Variants in TSHZ3 observed in about 807,000 individuals in gnomAD.
The protein encoded by TSHZ3 is teashirt zinc finger homeobox 3, also known as teashirt homolog 3.
TSHZ3 carries 10 observed loss-of-function variants against 64.5 expected under a neutral mutation model. The observed-to-expected ratio is 0.16, with a 90% CI of 0.10 to 0.26. The LOEUF is 0.26. Among genes scored for constraint, TSHZ3 ranks in the 10% least tolerant of loss-of-function variants. The probability of loss-of-function intolerance (pLI) is 1.00; values close to 1 mark genes in which losing one functional copy is unlikely to be tolerated. For missense variants in TSHZ3, 1,242 were observed against 1,421.7 expected (o/e 0.87, Z 2.03); for synonymous variants, 608 against 593.1 (o/e 1.03, Z -0.36).
intron 5 of TSHZ3, among the ~76,000 whole-genome samples, chr19:31,160,921 A>T (rs1176628535): frequency 6.6e-6 from 1 of 152,124 alleles, no homozygotes; most frequent in African/African-American, 2.4e-5. Context: ...ATGCTGATAT[A>T]TGTATGTCTG....
intron 5 of TSHZ3, among the ~76,000 whole-genome samples, chr19:31,176,771 C>T (rs916489237): frequency 4.9e-4 from 74 of 152,198 alleles, no homozygotes; most frequent in African/African-American, 1.7e-3. Flanking sequence ...GCCTGGGTGA[C>T]AGAGACTCTG....
Position 31,341,630 on chromosome 19 carries a change from G to C in TSHZ3, c.40+7550C>G, listed in dbSNP as rs62102621. ...ACTCACTCTCTCTCTCTCTCTCTCTGACACACACACACACACACACACACA... is the reference window on the plus strand; with the variant it reads ...ACTCACTCTCTCTCTCTCTCTCTCTCACACACACACACACACACACACACA... On this transcript the variant is annotated intron_variant, in intron 1 of 1. Transcript: ENST00000240587. 5.6e-4 allele frequency among the ~76,000 whole-genome samples: 78 copies of C among 138,066 alleles called. No individual in the cohort carries two copies. In the East Asian group the frequency reaches 9.3e-3, roughly 16 times the overall value. The allele number at this position is 138,066 out of a possible 152,430, so 90.6% of individuals were successfully genotyped here.
chr19:31,256,103 C>A (rs1036340374), intron 1 of TSHZ3, among the ~76,000 whole-genome samples: 10 of 152,136 alleles, frequency 6.6e-5, no homozygotes, highest in African/African-American at 2.4e-4. Flanking sequence ...TGTTCACCCT[C>A]CCCGAGGCTC....
chr19:31,258,321 C>T (rs1485226331), intron 1 of TSHZ3, among the ~76,000 whole-genome samples: 1 of 152,162 alleles, frequency 6.6e-6, no homozygotes, highest in Admixed American at 6.5e-5. Context: ...CAGATTCCAG[C>T]TGTTCTGTCC....
chr19:31,276,566 GA>G lies in TSHZ3; in HGVS notation c.3226del (p.Ser1076LeufsTer3). 3.2e-6 allele frequency: 5 copies of G among 1,565,140 alleles called. No individual in the cohort carries two copies. The highest frequency in any genetic ancestry group is 4.3e-6 in the Non-Finnish European group (5 of 1,151,960). ...CAAATGCTACTGCTTCTCTAACTCAGAGACATACAGAAGGTGGTCTTCCGGA... is the reference window on the plus strand; with the variant it reads ...CAAATGCTACTGCTTCTCTAACTCAGGACATACAGAAGGTGGTCTTCCGGA... ...KSPEDHLLYV[S>X]ELEKQ On this transcript the variant is annotated frameshift_variant, in exon 2 of 2. Coordinates refer to ENST00000240587, the MANE Select transcript of TSHZ3 (RefSeq NM_020856.4). LOFTEE classifies it high-confidence loss of function.
At position 31,256,753 on chromosome 19, in the gene TSHZ3, G is replaced by A. The variant is rs984610949; in HGVS notation, n.64-13878C>T. The stretch of plus-strand genomic sequence containing the variant: ...CCTGCACAGGGTCACTGCCCTGCCC[G>A]CCTGTCCTCACAGTGCCACCGTGGG... On this transcript the variant is annotated intron_variant and non_coding_transcript_variant, in intron 1 of 6. Transcript: ENST00000651361. Among the ~76,000 whole-genome samples the A allele has an allele frequency of 3.3e-5, 5 of 152,262 alleles. No homozygotes were observed. In the East Asian group the frequency reaches 5.8e-4, roughly 18 times the overall value.
chr19:31,251,532 A>G (rs142967142), intron 1 of TSHZ3, among the ~76,000 whole-genome samples: 1 of 152,168 alleles, frequency 6.6e-6, no homozygotes, highest in African/African-American at 2.4e-5. Context: ...GCTGAGACCC[A>G]GAAGATAAAG....
intron 1 of TSHZ3, among the ~76,000 whole-genome samples, chr19:31,318,637 C>T (rs1916674410): frequency 6.6e-6 from 1 of 151,970 alleles, no homozygotes; most frequent in African/African-American, 2.4e-5. Context: ...TTTTTAGTAT[C>T]ATGAATAAAA....
At chr19:31,220,927 A>G (rs1009129023) in intron 4 of TSHZ3, among the ~76,000 whole-genome samples, 2 of 152,248 alleles carry the variant, frequency 1.3e-5, no homozygotes, top group African/African-American at 4.8e-5. Flanking sequence ...AAGCAGCTAC[A>G]GAAAGCAACA....
intron 1 of TSHZ3, among the ~76,000 whole-genome samples, chr19:31,256,946 T>A (rs1463953720): frequency 6.6e-6 from 1 of 152,122 alleles, no homozygotes; most frequent in East Asian, 1.9e-4. Context: ...CCATGGTGGG[T>A]GTGCAGGAGC....
chr19:31,302,669 T>C (rs564534047), intron 1 of TSHZ3, among the ~76,000 whole-genome samples: 39 of 152,318 alleles, frequency 2.6e-4, no homozygotes, highest in Middle Eastern at 3.4e-3. Flanking sequence ...AAAATAGATA[T>C]GTCTATATAT....
intron 1 of TSHZ3, among the ~76,000 whole-genome samples, chr19:31,328,645 T>C (rs535966187): frequency 2.6e-5 from 4 of 152,232 alleles, no homozygotes; most frequent in Admixed American, 2.6e-4. Flanking sequence ...AGAGTGTCTC[T>C]CTCCTTTCAT....
Position 31,190,594 on chromosome 19 carries a change from G to T in TSHZ3, n.809+14362C>A, listed in dbSNP as rs571468327. Among the ~76,000 whole-genome samples, 13 of 152,004 alleles carry T rather than the reference G, an allele frequency of 8.6e-5. No individual in the cohort carries two copies. The South Asian group carries it at 2.7e-3, about 32-fold the overall frequency. ...ACTCAACACTCTTTAGACCAAGATG[G>T]CAAAATATATTCTCAACTATGTAGC... On this transcript the variant is annotated intron_variant and non_coding_transcript_variant, in intron 5 of 6. Transcript: ENST00000651361.
chr19:31,333,324 C>T (rs1010017564), intron 1 of TSHZ3, among the ~76,000 whole-genome samples: 10 of 152,078 alleles, frequency 6.6e-5, no homozygotes, highest in South Asian at 2.1e-4. Flanking sequence ...ACATGCGAGC[C>T]CCTCTCTGGG....
chr19:31,272,525 C>G (rs1298932197), downstream of TSHZ3, among the ~76,000 whole-genome samples: 1 of 152,188 alleles, frequency 6.6e-6, no homozygotes, highest in East Asian at 1.9e-4. Flanking sequence ...CATAACCAAC[C>G]CTCTCTAACT....
At chr19:31,335,658 C>T (rs1917221372) in intron 1 of TSHZ3, among the ~76,000 whole-genome samples, 3 of 152,218 alleles carry the variant, frequency 2.0e-5, no homozygotes, top group Admixed American at 2.0e-4. Context: ...GAAGTCGAAG[C>T]CACTCATTTC....
At chr19:31,297,661 T>C (rs930227830) in intron 1 of TSHZ3, among the ~76,000 whole-genome samples, 1 of 151,970 alleles carries the variant, frequency 6.6e-6, no homozygotes, top group Admixed American at 6.5e-5. Flanking sequence ...AGAGTCAGGG[T>C]CTAGCTATGT....
intron 4 of TSHZ3, among the ~76,000 whole-genome samples, chr19:31,205,101 C>A (rs149763207): frequency 6.6e-6 from 1 of 152,186 alleles, no homozygotes; most frequent in Admixed American, 6.5e-5. Flanking sequence ...AGGAGATGAG[C>A]CAGTGAGGTG....
chr19:31,203,586 C>T (rs1975118843), intron 5 of TSHZ3, among the ~76,000 whole-genome samples: 3 of 152,114 alleles, frequency 2.0e-5, no homozygotes, highest in Admixed American at 6.5e-5. Context: ...GGTCCTTAAA[C>T]ATGAGTCTCA....
Sources: allele counts gnomAD v4.1 joint callset (sites outside exome capture counted in the v4.1 genomes callset), GRCh38; gene constraint gnomAD v4.1.1; transcripts MANE v1.5; gene names NCBI Gene and HGNC (gene_info 2026-07-23, HGNC 2026-07-21).